The following BNIP5 variants were observed in gnomAD, a reference collection of about 807,000 sequenced individuals.
BNIP5 encodes protein BNIP5.
BNIP5 carries 61 observed loss-of-function variants against 67.3 expected under a neutral mutation model. That is an observed-to-expected ratio of 0.91 (90% CI 0.74 to 1.12). The LOEUF is 1.12. BNIP5 is among the 50% of genes most tolerant of loss of function. The pLI is 0.00. For synonymous variants in BNIP5, 317 were observed against 319.0 expected (o/e 0.99, Z 0.07); for missense variants, 826 against 816.3 (o/e 1.01, Z -0.14).
At chr6:36,317,528 C>G in intron 11 of BNIP5, 137 bp from the exon 12 acceptor site, 1 of 740,104 alleles carries the variant, frequency 1.4e-6, no homozygotes, top group South Asian at 1.5e-5. Context: ...CTTGCAACAC[C>G]TCCTGCTGAC....
chr6:36,330,111 C>T lies in BNIP5; in HGVS notation c.580G>A (p.Gly194Arg), dbSNP rs144275667. 105 of 1,609,620 alleles carry T rather than the reference C, an allele frequency of 6.5e-5. No homozygotes were observed. Among genetic ancestry groups the T allele is most frequent in the Admixed American group, 3.2e-4 (19 of 59,890 alleles). Residue 194 changes from glycine to arginine, a missense_variant, in exon 2 of 12, where the codon GGG becomes AGG. Physicochemically the swap from Gly to Arg is moderately radical, Grantham distance 125 (BLOSUM62 -2). Transcript: ENST00000437635. ...CGAGCTGGGCCCAGGTCAGCCTCCCCGGAGCGCAAGGCAGCAGCTGCCTTG... is the reference window on the plus strand; with the variant it reads ...CGAGCTGGGCCCAGGTCAGCCTCCCTGGAGCGCAAGGCAGCAGCTGCCTTG... ...LSKAAAALRS[G>R]EADLGPARRG...
intron 8 of BNIP5, 105 bp from the exon 9 acceptor site, chr6:36,322,547 C>G: frequency 1.5e-6 from 2 of 1,290,562 alleles, no homozygotes; most frequent in South Asian, 2.8e-5. Flanking sequence ...GGTTTCCAGG[C>G]TCCTCGGTGA....
At chr6:36,328,912 C>T (rs1771823381) in intron 2 of BNIP5, among the ~76,000 whole-genome samples, 198 bp from the exon 3 acceptor site, 1 of 152,156 alleles carries the variant, frequency 6.6e-6, no homozygotes, top group African/African-American at 2.4e-5. Context: ...CTGCTTCCAC[C>T]AAGACACCTC....
At position 36,327,947 on chromosome 6, in the gene BNIP5, T is replaced by C. The variant is rs533803153; in HGVS notation, c.727+651A>G. 1.6e-4 allele frequency among the ~76,000 whole-genome samples: 25 copies of C among 152,282 alleles called. 1 individual carries two copies. The South Asian group carries it at 3.5e-3, about 21-fold the overall frequency. On this transcript the variant is annotated intron_variant, in intron 3 of 11. Coordinates refer to ENST00000437635, the MANE Select transcript of BNIP5 (RefSeq NM_001010903.5). ...CCTCTCATGTAAGAAAACAATTAGCTGCAAAATAACTAACTCAATGCCTCT... is the reference window on the plus strand; with the variant it reads ...CCTCTCATGTAAGAAAACAATTAGCCGCAAAATAACTAACTCAATGCCTCT...
chr6:36,319,034 C>T (rs1205464289), intron 11 of BNIP5, among the ~76,000 whole-genome samples: 1 of 152,174 alleles, frequency 6.6e-6, no homozygotes, highest in East Asian at 1.9e-4. Context: ...AAAATAATAA[C>T]AAGGCAAGCT....
At position 36,326,388 on chromosome 6, in the gene BNIP5, C is replaced by A. The variant is rs144392201; in HGVS notation, c.1036+122G>T. 1.2e-4 allele frequency: 142 copies of A among 1,226,268 alleles called. 1 individual carries two copies. The East Asian group carries it at 3.4e-3, about 30-fold the overall frequency. 76.0% of individuals were successfully genotyped at this position (1,226,268 alleles called of 1,614,324 possible). On this transcript the variant is annotated intron_variant, in intron 5 of 11. Transcript: ENST00000437635. ...ACAGTCATCCTCACACCACTCAGGG[C>A]AGAGTGCAAAAGTCAGACCAGGCAC...
Position 36,317,044 on chromosome 6 carries a change from C to T in BNIP5, c.*312G>A. The T allele has an allele frequency of 2.2e-6, 1 of 460,088 alleles. No individual in the cohort carries two copies. The highest frequency in any genetic ancestry group is 3.8e-6 in the Non-Finnish European group (1 of 262,260). The allele number at this position is 460,088 out of a possible 1,614,324, so 28.5% of individuals were successfully genotyped here. On this transcript the variant is annotated 3_prime_UTR_variant, in exon 12 of 12. Transcript: ENST00000437635. ...TGGGTGGGATCCTAGACTCCAAAGT[C>T]TGGAGAGGAGGGGGAATGTGTAGAG...
At chr6:36,324,215 T>C (rs1042642816) in intron 6 of BNIP5, 25 bp from the exon 7 acceptor site, 2 of 1,602,082 alleles carry the variant, frequency 1.2e-6, no homozygotes, top group African/African-American at 2.7e-5. Flanking sequence ...CACGCATGGT[T>C]AACTTTGGTG....
Position 36,330,540 on chromosome 6 carries a change from T to C in BNIP5, c.151A>G (p.Thr51Ala), listed in dbSNP as rs369294708. The part of the protein sequence containing the change: ...TAPSRKALHW[T>A]TSDWARHSDS... ...GAATGTCTGGCCCAATCACTGGTCG[T>C]CCAGTGAAGCGCCTTCCTGGAGGGG... Residue 51 changes from threonine to alanine, a missense_variant, in exon 2 of 12, where the codon ACG becomes GCG. Thr to Ala is a moderately conservative substitution (Grantham distance 58). Transcript: ENST00000437635. The C allele has an allele frequency of 5.2e-5, 84 of 1,613,848 alleles. No individual in the cohort carries two copies. In the African/African-American group the frequency reaches 9.9e-4, roughly 19 times the overall value.
At position 36,324,167 on chromosome 6, in the gene BNIP5, A is replaced by G. The variant is rs1049796281; in HGVS notation, c.1192T>C (p.Ser398Pro). 5 of 1,613,828 alleles carry G rather than the reference A, an allele frequency of 3.1e-6. No individual in the cohort carries two copies. In the African/African-American group the frequency reaches 6.7e-5, roughly 22 times the overall value. The change falls in exon 7 of 12, where the codon TCC becomes CCC. Residue 398 changes from serine to proline, a missense_variant. Physicochemically the swap from Ser to Pro is moderately conservative, Grantham distance 74. Transcript: ENST00000437635. ...TGTTCTTCTGCATCTTGGAGCATGG[A>G]AATGATCTTCTGAATGAATTCTTCT... is the stretch of plus-strand genomic sequence containing the variant. ...EYKEFIQKII[S>P]MLQDAEEQQG...
At position 36,328,727 on chromosome 6, in the gene BNIP5, C is replaced by T. The variant is rs370779060; in HGVS notation, c.611-13G>A. The stretch of plus-strand genomic sequence containing the variant: ...GAATCTTCCCCACCTGGAATAGAGA[C>T]GAAAGCAAACGGGTATGTAGGTGTG... On this transcript the variant is annotated splice_polypyrimidine_tract_variant and intron_variant, in intron 2 of 11. Transcript: ENST00000437635. The T allele has an allele frequency of 2.6e-5, 40 of 1,522,802 alleles. No individual in the cohort carries two copies. The highest frequency in any genetic ancestry group is 1.7e-4 in the Middle Eastern group (1 of 5,884). 94.3% of individuals were successfully genotyped at this position (1,522,802 alleles called of 1,614,324 possible).
At chr6:36,327,443 C>T (rs1238315608) in intron 3 of BNIP5, among the ~76,000 whole-genome samples, 2 of 152,210 alleles carry the variant, frequency 1.3e-5, no homozygotes, top group Admixed American at 1.3e-4. Flanking sequence ...CTTTATCTCT[C>T]CCAGTGAAAT....
chr6:36,319,973 A>G lies in BNIP5; in HGVS notation c.1669-363T>C, dbSNP rs11964183. Among the ~76,000 whole-genome samples, 290 of 152,332 alleles carry G rather than the reference A, an allele frequency of 1.9e-3. 1 individual carries two copies. Among genetic ancestry groups the G allele is most frequent in the African/African-American group, 6.8e-3 (281 of 41,582 alleles). ...TTGGGATGCTTAAGTTGCACTTACTATGTGTGTGAGCCTCTGGTCATCCAT... is the reference window on the plus strand; with the variant it reads ...TTGGGATGCTTAAGTTGCACTTACTGTGTGTGTGAGCCTCTGGTCATCCAT... On this transcript the variant is annotated intron_variant, in intron 10 of 11. Coordinates refer to ENST00000437635, the MANE Select transcript of BNIP5 (RefSeq NM_001010903.5).
Position 36,317,248 on chromosome 6 carries a change from C to A in BNIP5, c.*108G>T. The A allele has an allele frequency of 1.1e-6, 1 of 876,470 alleles. No homozygotes were observed. The highest frequency in any genetic ancestry group is 1.3e-5 in the South Asian group (1 of 76,028). The allele number at this position is 876,470 out of a possible 1,614,324, so 54.3% of individuals were successfully genotyped here. A position where few individuals can be genotyped will look rare whatever the true frequency, so the allele number is the denominator to read the frequency against. Reference sequence around the variant, plus strand: ...GATTGTCTGCTCTTGTCTTCCATCACGTTTGTGAAGCAGGGATTGGGACAT... The same window carrying A: ...GATTGTCTGCTCTTGTCTTCCATCAAGTTTGTGAAGCAGGGATTGGGACAT... On this transcript the variant is annotated 3_prime_UTR_variant, in exon 12 of 12. Coordinates refer to ENST00000437635, the MANE Select transcript of BNIP5 (RefSeq NM_001010903.5).
intron 1 of BNIP5, among the ~76,000 whole-genome samples, chr6:36,336,187 C>G (rs1184977564): frequency 6.6e-6 from 1 of 152,210 alleles, no homozygotes; most frequent in Non-Finnish European, 1.5e-5. Context: ...TTTCCCCATT[C>G]TTGGACTAAC....
intron 8 of BNIP5, 126 bp from the exon 9 acceptor site, chr6:36,322,568 C>T (rs1771660908): frequency 2.0e-6 from 2 of 1,016,922 alleles, no homozygotes; most frequent in East Asian, 2.4e-5. Context: ...GTTTCCTGCC[C>T]CCGGCTCTGC....
At position 36,326,076 on chromosome 6, in the gene BNIP5, T is replaced by C. The variant is rs1771755053; in HGVS notation, c.1036+434A>G. 2.0e-5 allele frequency among the ~76,000 whole-genome samples: 3 copies of C among 152,214 alleles called. No individual in the cohort carries two copies. The South Asian group carries it at 6.2e-4, about 32-fold the overall frequency. On this transcript the variant is annotated intron_variant, in intron 5 of 11. Coordinates refer to ENST00000437635, the MANE Select transcript of BNIP5 (RefSeq NM_001010903.5). ...GTGAGGACTGATCGTGTTATAGATA[T>C]GCAGCAGGGAAATGTCTCACTTTAC...
intron 3 of BNIP5, 53 bp downstream of exon 3, chr6:36,328,545 A>G: frequency 2.9e-6 from 3 of 1,051,850 alleles, no homozygotes; most frequent in Non-Finnish European, 4.5e-6. Flanking sequence ...CGTCTCATTC[A>G]GTAACAGCCA....
chr6:36,319,534 A>T lies in BNIP5; in HGVS notation c.1745T>A (p.Leu582Gln). The change falls in exon 11 of 12, where the codon CTG (leucine) becomes CAG (glutamine). Residue 582 changes from leucine to glutamine, a missense_variant. Transcript: ENST00000437635. ...DSSLSKLVAT[L>Q]RSQVAHSSKL... ...AGAGGAGTGAGCCACCTGGCTGCGCAGGGTGGCTACCAGCTTGCTGAGGGA... is the reference window on the plus strand; with the variant it reads ...AGAGGAGTGAGCCACCTGGCTGCGCTGGGTGGCTACCAGCTTGCTGAGGGA... 1 of 1,614,080 alleles carries T rather than the reference A, an allele frequency of 6.2e-7. No homozygotes were observed. The highest frequency in any genetic ancestry group is 1.1e-5 in the South Asian group (1 of 91,076).
Sources: allele counts gnomAD v4.1 joint callset (sites outside exome capture counted in the v4.1 genomes callset), GRCh38; gene constraint gnomAD v4.1.1; transcripts MANE v1.5; gene names NCBI Gene and HGNC (gene_info 2026-07-23, HGNC 2026-07-21).